The following DMD variants were observed in gnomAD, a reference collection of about 807,000 sequenced individuals.
The protein encoded by DMD is mutant dystrophin.
DMD carries 63 observed loss-of-function variants against 330.1 expected under a neutral mutation model. That is an observed-to-expected ratio of 0.19 (90% confidence interval 0.16 to 0.24). The LOEUF is 0.24. Ranked by LOEUF, DMD falls within the 10% of genes least tolerant of loss-of-function variation. The probability of loss-of-function intolerance (pLI) is 1.00; values close to 1 mark genes in which losing one functional copy is unlikely to be tolerated. For synonymous variants in DMD, 1,223 were observed against 959.8 expected, an observed-to-expected ratio of 1.27 and a Z score of -5.07; for missense variants, 3,344 against 2,684.1, an observed-to-expected ratio of 1.25 and a Z score of -5.43.
chrX:33,023,732 C>T (rs201298484), intron 1 of DMD, among the ~76,000 whole-genome samples: 2 of 111,345 alleles, frequency 1.8e-5, no homozygotes, highest in East Asian at 5.6e-4. Context: ...AATTCTTAAA[C>T]ATTTCAAGTC....
At chrX:31,721,373 C>T (rs1317542378) in intron 52 of DMD, among the ~76,000 whole-genome samples, 5 of 110,266 alleles carry the variant, frequency 4.5e-5, no homozygotes, top group African/African-American at 1.6e-4. Flanking sequence ...GATTACCCTC[C>T]ACAATGTGGG....
chrX:32,858,375 G>A (rs1276722319), intron 2 of DMD, among the ~76,000 whole-genome samples: 1 of 112,076 alleles, frequency 8.9e-6, no homozygotes, highest in Non-Finnish European at 1.9e-5. Flanking sequence ...CTGTTGCCAG[G>A]CTGGAGTGCA....
At chrX:31,729,560 T>C (rs1009021625) in intron 52 of DMD, 71 bp downstream of exon 52, 12 of 796,266 alleles carry the variant, frequency 1.5e-5, no homozygotes. Context: ...GGGGGATATA[T>C]GAACTTAAGT....
chrX:31,951,141 G>GTATATATACA (rs1557025416), intron 45 of DMD, among the ~76,000 whole-genome samples: 7 of 72,799 alleles, frequency 9.6e-5, no homozygotes, highest in African/African-American at 3.6e-4. Context: ...ATATATATAT[G>GTATATATACA]TGTATATATA....
chrX:31,586,152 C>T (rs1291511045), intron 55 of DMD, among the ~76,000 whole-genome samples: 1 of 111,534 alleles, frequency 9.0e-6, no homozygotes, highest in Non-Finnish European at 1.9e-5. Context: ...GGATTTATAA[C>T]CTATAACTGT....
At chrX:32,777,113 TCTGA>T (rs946998559) in intron 7 of DMD, among the ~76,000 whole-genome samples, 1 of 108,023 alleles carries the variant, frequency 9.3e-6, no homozygotes, top group Non-Finnish European at 1.9e-5. Flanking sequence ...TCCACAATTA[TCTGA>T]GTAATTAGAT....
chrX:32,980,771 G>A (rs776922710), intron 2 of DMD, among the ~76,000 whole-genome samples: 17 of 111,903 alleles, frequency 1.5e-4, no homozygotes, highest in Admixed American at 7.6e-4. Flanking sequence ...ACCTAGGTTC[G>A]TAATCAATTA....
At chrX:33,334,836 A>G (rs2054228321) in intron 1 of DMD, among the ~76,000 whole-genome samples, 2 of 111,293 alleles carry the variant, frequency 1.8e-5, no homozygotes, top group African/African-American at 6.5e-5. Context: ...CTTAGTTAAA[A>G]ATTATCTCAG....
At chrX:33,125,024 A>T (rs1367289098) in intron 1 of DMD, among the ~76,000 whole-genome samples, 2 of 9,849 alleles carry the variant, frequency 2.0e-4, no homozygotes, top group East Asian at 1.9e-3. Flanking sequence ...AAGTCCATCT[A>T]AAAAAAAAAA....
chrX:32,847,621 C>T, intron 3 of DMD, among the ~76,000 whole-genome samples: 1 of 111,700 alleles, frequency 9.0e-6, no homozygotes, highest in South Asian at 3.8e-4. Context: ...ATCCTCAGAC[C>T]AGGGCTGACA....
intron 61 of DMD, among the ~76,000 whole-genome samples, chrX:31,347,291 C>T (rs1434394891): frequency 1.8e-5 from 2 of 110,406 alleles, no homozygotes; most frequent in African/African-American, 3.3e-5. Flanking sequence ...TACAACACAT[C>T]GTTGTTAACT....
chrX:32,435,297 T>TATATATATATATATATATATATATATATA (rs1557355914), intron 29 of DMD, among the ~76,000 whole-genome samples: 16 of 99,299 alleles, frequency 1.6e-4, no homozygotes, highest in East Asian at 3.3e-4. Flanking sequence ...TATATATATA[T>TATATATATATATATATATATATATATATA]TTACACCCAT....
At chrX:32,573,962 G>T (rs1266725651) in intron 13 of DMD, 116 bp from the exon 14 acceptor site, 4 of 568,109 alleles carry the variant, frequency 7.0e-6, no homozygotes, top group Non-Finnish European at 1.2e-5. Flanking sequence ...CTAGAAGTTG[G>T]AAGGGACACT....
intron 52 of DMD, among the ~76,000 whole-genome samples, chrX:31,721,694 CTCTCTCTCTCTCTCTCTCTCTCTCTA>C (rs2085523941): frequency 7.7e-5 from 5 of 65,091 alleles, no homozygotes; most frequent in African/African-American, 2.5e-4. Flanking sequence ...CACTCTCTCT[CTCTCTCTCTCTCTCTCTCTCTCTCTA>C]TATATATATA....
chrX:33,064,320 G>A (rs769501901), intron 1 of DMD, among the ~76,000 whole-genome samples: 7 of 110,435 alleles, frequency 6.3e-5, no homozygotes, highest in African/African-American at 2.0e-4. Flanking sequence ...CTATTATTGC[G>A]GCAACTTTCT....
intron 55 of DMD, among the ~76,000 whole-genome samples, chrX:31,608,320 T>A (rs1349206385): frequency 9.0e-6 from 1 of 111,655 alleles, no homozygotes; most frequent in African/African-American, 3.2e-5. Flanking sequence ...GTGTGTATCA[T>A]CTCAAGATTG....
intron 2 of DMD, among the ~76,000 whole-genome samples, chrX:33,016,851 C>A (rs771764726): frequency 1.3e-4 from 14 of 111,800 alleles, no homozygotes; most frequent in African/African-American, 3.9e-4. Flanking sequence ...AACTGTACTT[C>A]CCTTTATTAA....
intron 9 of DMD, among the ~76,000 whole-genome samples, chrX:32,692,665 A>T (rs972660801): frequency 8.9e-6 from 1 of 112,198 alleles, no homozygotes; most frequent in Non-Finnish European, 1.9e-5. Context: ...AGAACAAAAA[A>T]GGATATCCTT....
At chrX:33,179,561 G>T (rs186284265) in intron 1 of DMD, among the ~76,000 whole-genome samples, 5,230 of 108,377 alleles carry the variant, frequency 0.048, 112 homozygotes, top group Middle Eastern at 0.067. Context: ...GGGCGTGGTG[G>T]CGGGCGCCTG....
Sources: gnomAD v4.1 joint callset for allele counts (sites outside exome capture counted in the v4.1 genomes callset) on GRCh38, gnomAD v4.1.1 for gene constraint, MANE v1.5 for transcripts, NCBI Gene and HGNC (gene_info 2026-07-23, HGNC 2026-07-21) for gene names.